Variants in OSBPL10 observed in about 807,000 individuals in gnomAD.
OSBPL10 encodes the protein oxysterol-binding protein-related protein 10.
Under a neutral mutation model 81.7 loss-of-function variants are expected in OSBPL10, and 49 were observed. The ratio of observed to expected loss-of-function variants is 0.60; its 90% CI spans 0.48 to 0.76. The LOEUF (loss-of-function observed/expected upper bound fraction) is 0.76, where lower values mean the gene tolerates loss of function less well. Ranked by LOEUF, OSBPL10 falls within the 30% of genes least tolerant of loss-of-function variation. OSBPL10 has a pLI of 0.00. For synonymous variants in OSBPL10, 419 were observed against 383.6 expected, an observed-to-expected ratio of 1.09 and a Z score of -1.08; for missense variants, 923 against 987.8, an observed-to-expected ratio of 0.93 and a Z score of 0.88.
At chr3:32,067,451 T>C (rs1559557702) in intron 1 of OSBPL10, among the ~76,000 whole-genome samples, 1 of 152,108 alleles carries the variant, frequency 6.6e-6, no homozygotes, top group Non-Finnish European at 1.5e-5. Context: ...AGAATCTAAG[T>C]ATTACAAAAA....
chr3:31,717,793 C>A (rs1422089200), intron 6 of OSBPL10, among the ~76,000 whole-genome samples: 1 of 152,186 alleles, frequency 6.6e-6, no homozygotes, highest in African/African-American at 2.4e-5. Context: ...TCACATTATT[C>A]CGCTGCCATA....
chr3:31,950,249 C>A (rs11129474), intron 1 of OSBPL10, among the ~76,000 whole-genome samples: 36,851 of 152,042 alleles, frequency 0.24, 6,267 homozygotes, highest in African/African-American at 0.46. Context: ...ATATATAAAG[C>A]ACTCCTACAA....
At chr3:31,869,007 T>C (rs1393316202) in intron 3 of OSBPL10, among the ~76,000 whole-genome samples, 1 of 152,200 alleles carries the variant, frequency 6.6e-6, no homozygotes, top group Non-Finnish European at 1.5e-5. Context: ...CAAAGTTGTT[T>C]TCCTTGAGGG....
intron 1 of OSBPL10, among the ~76,000 whole-genome samples, chr3:31,908,210 C>A (rs1696470864): frequency 6.6e-6 from 1 of 152,038 alleles, no homozygotes; most frequent in Admixed American, 6.6e-5. Context: ...AGCCAGATCA[C>A]ACAGAACCTT....
At chr3:31,790,673 C>T (rs1316951342) in intron 4 of OSBPL10, among the ~76,000 whole-genome samples, 1 of 152,106 alleles carries the variant, frequency 6.6e-6, no homozygotes, top group South Asian at 2.1e-4. Flanking sequence ...TGGAGCCAAT[C>T]CTTGAGGTCT....
chr3:31,815,814 G>A (rs1232371785), intron 4 of OSBPL10, among the ~76,000 whole-genome samples: 4 of 152,172 alleles, frequency 2.6e-5, no homozygotes, highest in East Asian at 1.9e-4. Flanking sequence ...CTCAGCCAAC[G>A]TCTCTCTGCA....
chr3:31,726,703 C>T (rs577503454), intron 6 of OSBPL10, among the ~76,000 whole-genome samples: 136 of 151,708 alleles, frequency 9.0e-4, no homozygotes, highest in Non-Finnish European at 1.6e-3. Context: ...TATGATGCTG[C>T]CACAATGAAG....
intron 4 of OSBPL10, among the ~76,000 whole-genome samples, chr3:31,811,003 G>A (rs950495211): frequency 3.3e-5 from 5 of 152,184 alleles, no homozygotes; most frequent in African/African-American, 1.2e-4. Context: ...CAGGTGTCGA[G>A]GAGGTCAATG....
chr3:31,986,062 T>C (rs1408582465), upstream of OSBPL10, among the ~76,000 whole-genome samples: 5 of 152,206 alleles, frequency 3.3e-5, no homozygotes, highest in African/African-American at 1.2e-4. Context: ...CTCTACTTAA[T>C]GAAACTGCAG....
intron 3 of OSBPL10, among the ~76,000 whole-genome samples, chr3:31,850,840 GAAAC>G (rs1307722721): frequency 6.6e-6 from 1 of 152,152 alleles, no homozygotes; most frequent in Non-Finnish European, 1.5e-5. Flanking sequence ...TACGGAATAA[GAAAC>G]AAGTACAAAA....
intron 7 of OSBPL10, among the ~76,000 whole-genome samples, chr3:31,686,437 A>G (rs916233822): frequency 3.9e-5 from 6 of 152,174 alleles, no homozygotes; most frequent in Non-Finnish European, 8.8e-5. Flanking sequence ...TCAGGAGAAA[A>G]TGTGCCTGTC....
At chr3:31,932,508 A>C (rs1697277182) in intron 1 of OSBPL10, among the ~76,000 whole-genome samples, 1 of 152,182 alleles carries the variant, frequency 6.6e-6, no homozygotes, top group Non-Finnish European at 1.5e-5. Flanking sequence ...CTATGATTTA[A>C]ATTTAACGAA....
chr3:31,674,005 A>G (rs539367272), intron 8 of OSBPL10, among the ~76,000 whole-genome samples: 213 of 152,288 alleles, frequency 1.4e-3, no homozygotes, highest in Non-Finnish European at 2.4e-3. Flanking sequence ...AGCTGGTCTT[A>G]AAACTCTTGG....
At chr3:31,898,854 T>TA (rs1696142415) in intron 1 of OSBPL10, among the ~76,000 whole-genome samples, 1 of 151,940 alleles carries the variant, frequency 6.6e-6, no homozygotes, top group African/African-American at 2.4e-5. Flanking sequence ...ATGGATTCTT[T>TA]TTAAGGACAG....
intron 2 of OSBPL10, among the ~76,000 whole-genome samples, chr3:32,007,209 C>T (rs1699213533): frequency 6.6e-6 from 1 of 152,152 alleles, no homozygotes; most frequent in Non-Finnish European, 1.5e-5. Flanking sequence ...CTCAGATATT[C>T]TAGTTCTTGG....
At chr3:31,688,283 T>TCACACA (rs55643097) in intron 7 of OSBPL10, among the ~76,000 whole-genome samples, 3,553 of 115,360 alleles carry the variant, frequency 0.031, 109 homozygotes, top group African/African-American at 0.058. Context: ...TCTCTCTCTC[T>TCACACA]CACACACACA....
intron 4 of OSBPL10, among the ~76,000 whole-genome samples, chr3:31,819,526 G>A (rs916756952): frequency 7.9e-5 from 12 of 152,174 alleles, no homozygotes; most frequent in African/African-American, 2.7e-4. Context: ...CCTCATTGGG[G>A]TACTGCACAG....
Position 31,684,053 on chromosome 3 carries a change from A to G in OSBPL10, c.1307T>C (p.Met436Thr). ...GGCCAGCAGTAGGTCTGGGTGCGCC[A>G]TGAAATCTGCATACATCTCCAGCAA... ...RSLLEMYADF[M>T]AHPDLLLAIT... is the part of the protein sequence containing the mutation. Residue 436 changes from methionine (M) to threonine (T), a missense_variant, in exon 8 of 12, where the codon ATG becomes ACG. Met to Thr is a moderately conservative substitution (Grantham distance 81). Transcript: ENST00000396556. The G allele has an allele frequency of 6.2e-7, 1 of 1,614,240 alleles. No homozygotes were observed. The highest frequency in any genetic ancestry group is 8.5e-7 in the Non-Finnish European group (1 of 1,180,042).
chr3:31,787,025 T>TAAATTAAATTTAACAA (rs1322832580), intron 4 of OSBPL10, among the ~76,000 whole-genome samples: 1 of 152,170 alleles, frequency 6.6e-6, no homozygotes, highest in Non-Finnish European at 1.5e-5. Context: ...GCCAGGTTGT[T>TAAATTAAATTTAACAA]CTGGAATTAA....
Sources: gnomAD v4.1 joint callset for allele counts (sites outside exome capture counted in the v4.1 genomes callset) on GRCh38, gnomAD v4.1.1 for gene constraint, MANE v1.5 for transcripts, NCBI Gene and HGNC (gene_info 2026-07-23, HGNC 2026-07-21) for gene names.